BARHL1: variants seen among roughly 807,000 people sequenced by gnomAD.
BARHL1 encodes the protein barH-like 1 homeobox protein.
In BARHL1, 2 loss-of-function variants were observed where a neutral mutation model predicts 20.1. The ratio of observed to expected loss-of-function variants is 0.10; its 90% CI spans 0.04 to 0.31. BARHL1 has a LOEUF of 0.31. Ranked by LOEUF, BARHL1 falls within the 10% of genes least tolerant of loss-of-function variation. The pLI, the probability that BARHL1 is intolerant of heterozygous loss-of-function variation, is 1.00. For missense variants in BARHL1, 397 were observed against 454.0 expected, an observed-to-expected ratio of 0.87 and a Z score of 1.14; for synonymous variants, 213 against 209.9, an observed-to-expected ratio of 1.01 and a Z score of -0.13.
Position 132,587,316 on chromosome 9 carries a change from G to A in BARHL1, c.467-13G>A, listed in dbSNP as rs766916283. 15 of 1,588,262 alleles carry A rather than the reference G, an allele frequency of 9.4e-6. No homozygotes were observed. Among genetic ancestry groups the A allele is most frequent in the Middle Eastern group, 4.0e-4 (2 of 4,940 alleles). On this transcript the variant is annotated splice_polypyrimidine_tract_variant and intron_variant, in intron 1 of 2. Coordinates refer to ENST00000263610, the MANE Select transcript of BARHL1 (RefSeq NM_020064.4). The surrounding 1 kb of genome is among the most constrained non-coding windows in gnomAD (Gnocchi z 5.5). Reference sequence around the variant, plus strand: ...CTGCGAGGCCGGGCCCTGACATGCCGCTGTGTCCGCAGTGAAGGAGGAGGG... The same window carrying A: ...CTGCGAGGCCGGGCCCTGACATGCCACTGTGTCCGCAGTGAAGGAGGAGGG...
chr9:132,585,993 C>T (rs1830139936), intron 1 of BARHL1, among the ~76,000 whole-genome samples: 1 of 152,216 alleles, frequency 6.6e-6, no homozygotes. Context: ...AACACATATC[C>T]TTCTCCATGC....
chr9:132,585,801 T>A (rs1235173586), intron 1 of BARHL1, among the ~76,000 whole-genome samples: 5 of 152,210 alleles, frequency 3.3e-5, no homozygotes, highest in Non-Finnish European at 7.3e-5. Flanking sequence ...ACAAACTGAA[T>A]ACCTCCCGAC....
Position 132,587,048 on chromosome 9 carries a change from C to T in BARHL1, c.467-281C>T, listed in dbSNP as rs1457277116. ...GGGAGCGCGGGCAGAGCGCCGAGCGCGGCGCAGGGACTGGAGTTCTCGCCA... is the reference window on the plus strand; with the variant it reads ...GGGAGCGCGGGCAGAGCGCCGAGCGTGGCGCAGGGACTGGAGTTCTCGCCA... On this transcript the variant is annotated intron_variant, in intron 1 of 2. Coordinates refer to ENST00000263610, the MANE Select transcript of BARHL1 (RefSeq NM_020064.4). The surrounding 1 kb of genome is among the most constrained non-coding windows in gnomAD (Gnocchi z 5.5). 6.6e-6 allele frequency among the ~76,000 whole-genome samples: 1 copy of T among 152,234 alleles called. No individual in the cohort carries two copies. The highest frequency in any genetic ancestry group is 6.5e-5 in the Admixed American group (1 of 15,288).
chr9:132,583,321 T>A, intron 1 of BARHL1, 58 bp downstream of exon 1: 2 of 1,445,014 alleles, frequency 1.4e-6, no homozygotes, highest in Admixed American at 2.2e-5. Context: ...AACTGACATT[T>A]AAAAGGAATA....
At position 132,589,350 on chromosome 9, in the gene BARHL1, T is replaced by C. The variant is rs762296297; in HGVS notation, c.812T>C (p.Leu271Pro). Reference protein sequence around the residue: ...YFYPQSLVSNLDPGAALYLYR... With the variant: ...YFYPQSLVSNPDPGAALYLYR... ...TACCCGCAGAGTCTGGTTTCCAACC[T>C]GGACCCCGGCGCGGCGCTCTACCTG... The change falls in exon 3 of 3, where the codon CTG becomes CCG. Residue 271 changes from leucine to proline, a missense_variant. By Grantham distance (98) the Leu-to-Pro change is moderately conservative. Around this residue, in one of 3 missense-constraint regions of BARHL1, gnomAD observed 121 missense variants for 135.9 expected, o/e 0.89. Coordinates refer to ENST00000263610, the MANE Select transcript of BARHL1 (RefSeq NM_020064.4). 6.2e-7 allele frequency: 1 copy of C among 1,613,412 alleles called. No homozygotes were observed. The highest frequency in any genetic ancestry group is 1.1e-5 in the South Asian group (1 of 91,062).
At position 132,585,265 on chromosome 9, in the gene BARHL1, G is replaced by A. The variant is rs1037110822; in HGVS notation, c.466+2002G>A. Among the ~76,000 whole-genome samples the A allele has an allele frequency of 3.3e-5, 5 of 152,114 alleles. 1 individual carries two copies. The South Asian group carries it at 1.0e-3, about 32-fold the overall frequency. ...GAAAAAAGGAGCAGGGTCAGGCAGC[G>A]AGGCCTTGTCTGGAGCGTTTCTCAA... On this transcript the variant is annotated intron_variant, in intron 1 of 2. Coordinates refer to ENST00000263610, the MANE Select transcript of BARHL1 (RefSeq NM_020064.4).
intron 2 of BARHL1, 130 bp from the exon 3 acceptor site, chr9:132,589,094 GGTTA>G: frequency 7.0e-7 from 1 of 1,431,342 alleles, no homozygotes; most frequent in Non-Finnish European, 9.2e-7. Context: ...CCTGGCACTC[GGTTA>G]TTTATTAACA....
Position 132,589,841 on chromosome 9 carries a change from T to G in BARHL1, c.*319T>G. On this transcript the variant is annotated 3_prime_UTR_variant, in exon 3 of 3. Transcript: ENST00000263610. Reference sequence around the variant, plus strand: ...CTGCCGGCTCCCCTAGGCAACCCCTTTCTCCCCAGGAGCGGGTGCGGCTGA... The same window carrying G: ...CTGCCGGCTCCCCTAGGCAACCCCTGTCTCCCCAGGAGCGGGTGCGGCTGA... The G allele has an allele frequency of 8.4e-6, 2 of 238,076 alleles. No individual in the cohort carries two copies. The highest frequency in any genetic ancestry group is 1.6e-5 in the Non-Finnish European group (2 of 124,900). The allele number at this position is 238,076 out of a possible 1,614,324, so 14.7% of individuals were successfully genotyped here.
intron 1 of BARHL1, among the ~76,000 whole-genome samples, chr9:132,586,358 G>T (rs1400843316): frequency 6.6e-6 from 1 of 152,254 alleles, no homozygotes; most frequent in Non-Finnish European, 1.5e-5. Context: ...AAGTGGTCTA[G>T]CTGGTTATAT....
At chr9:132,585,232 C>A (rs1037598497) in intron 1 of BARHL1, among the ~76,000 whole-genome samples, 2 of 152,068 alleles carry the variant, frequency 1.3e-5, no homozygotes, top group Admixed American at 1.3e-4. Flanking sequence ...GCTGCCTTTG[C>A]CCCTAGTGAA....
rs1023907501 is a variant in BARHL1 at position 132,582,688 on chromosome 9, G to T, written c.-110G>T. The T allele has an allele frequency of 4.8e-6, 5 of 1,043,032 alleles. No individual in the cohort carries two copies. Among genetic ancestry groups the T allele is most frequent in the South Asian group, 1.7e-5 (1 of 60,270 alleles). 64.6% of individuals were successfully genotyped at this position (1,043,032 alleles called of 1,614,324 possible). A position where few individuals can be genotyped will look rare whatever the true frequency, so the allele number is the denominator to read the frequency against. On this transcript the variant is annotated 5_prime_UTR_variant, in exon 1 of 3. Coordinates refer to ENST00000263610, the MANE Select transcript of BARHL1 (RefSeq NM_020064.4). ...TGAACTCCGTCCAAGGTGCCCGCAG[G>T]CTCCCTGCCCGCCTTCCCCATGCCA...
Position 132,586,686 on chromosome 9 carries a change from C to A in BARHL1, c.467-643C>A, listed in dbSNP as rs1326425230. Among the ~76,000 whole-genome samples the A allele has an allele frequency of 2.0e-5, 3 of 152,384 alleles. No homozygotes were observed. In the East Asian group the frequency reaches 5.8e-4, roughly 29 times the overall value. On this transcript the variant is annotated intron_variant, in intron 1 of 2. Transcript: ENST00000263610. ...TTATTCTCCCAGTGCTCGGCGCTCG[C>A]AGACCCGGAGCCTTCCGCCCAGCGC...
rs1193024415 is a variant in BARHL1, at chr9:132,587,507, C to T, written c.645C>T (p.Leu215=). 2 of 1,612,592 alleles carry T rather than the reference C, an allele frequency of 1.2e-6. No homozygotes were observed. Among genetic ancestry groups the T allele is most frequent in the Non-Finnish European group, 8.5e-7 (1 of 1,179,586 alleles). Residue 215 remains leucine (L), a synonymous_variant, in exon 2 of 3, where the codon CTC becomes CTT. Coordinates refer to ENST00000263610, the MANE Select transcript of BARHL1 (RefSeq NM_020064.4). This position sits in a 1 kb window ranked among gnomAD's most constrained non-coding sequence, Gnocchi z 5.5. ...VQDRMELAAS[L]NLTDTQVKTW... The stretch of plus-strand genomic sequence containing the variant: ...ACCGCATGGAGCTCGCCGCCTCGCT[C>T]AACCTCACCGACACGCAGGTCAAGA...
At position 132,582,716 on chromosome 9, in the gene BARHL1, C is replaced by T; in HGVS notation, c.-82C>T. ...CCCTGCCCGCCTTCCCCATGCCAGC[C>T]CGCAGCTAGGGGCAGGGGCAGCGGC... On this transcript the variant is annotated 5_prime_UTR_variant, in exon 1 of 3. Coordinates refer to ENST00000263610, the MANE Select transcript of BARHL1 (RefSeq NM_020064.4). The T allele has an allele frequency of 7.7e-7, 1 of 1,305,400 alleles. No homozygotes were observed. The highest frequency in any genetic ancestry group is 1.0e-6 in the Non-Finnish European group (1 of 955,294). 80.9% of individuals were successfully genotyped at this position (1,305,400 alleles called of 1,614,324 possible). A position where few individuals can be genotyped will look rare whatever the true frequency, so the allele number is the denominator to read the frequency against.
Position 132,587,644 on chromosome 9 carries a change from A to G in BARHL1, c.689+93A>G. 8.0e-7 allele frequency: 1 copy of G among 1,257,442 alleles called. No individual in the cohort carries two copies. The highest frequency in any genetic ancestry group is 1.1e-6 in the Non-Finnish European group (1 of 903,282). 77.9% of individuals were successfully genotyped at this position (1,257,442 alleles called of 1,614,324 possible). A position where few individuals can be genotyped will look rare whatever the true frequency, so the allele number is the denominator to read the frequency against. ...ACCAGGAGTCTACAGGTTGGTGCTA[A>G]GGGAGGGCCCCAGAGCCTCCCCCAT... On this transcript the variant is annotated intron_variant, in intron 2 of 2. Transcript: ENST00000263610. The surrounding 1 kb of genome is among the most constrained non-coding windows in gnomAD (Gnocchi z 5.5).
At chr9:132,589,207 C>A in intron 2 of BARHL1, 21 bp from the exon 3 acceptor site, 1 of 1,598,264 alleles carries the variant, frequency 6.3e-7, no homozygotes, top group Non-Finnish European at 8.5e-7. Context: ...TCCCGCCATA[C>A]GCGTTTATTT....
At chr9:132,583,385 G>A in intron 1 of BARHL1, 122 bp downstream of exon 1, 1 of 833,822 alleles carries the variant, frequency 1.2e-6, no homozygotes, top group Non-Finnish European at 1.8e-6. Flanking sequence ...GGCTCAGGTT[G>A]AGCAGTGGTT....
At position 132,589,889 on chromosome 9, in the gene BARHL1, A is replaced by C; in HGVS notation, c.*367A>C. The C allele has an allele frequency of 8.7e-5, 15 of 172,124 alleles. No homozygotes were observed. Among genetic ancestry groups the C allele is most frequent in the Non-Finnish European group, 1.5e-4 (12 of 82,656 alleles). 10.7% of individuals were successfully genotyped at this position (172,124 alleles called of 1,614,324 possible). A position where few individuals can be genotyped will look rare whatever the true frequency, so the allele number is the denominator to read the frequency against. ...TGATTCCCAGGCTTCGCTCTCTCCC[A>C]CGCCCCTTCTACGCTCCAGGTGGAG... On this transcript the variant is annotated 3_prime_UTR_variant, in exon 3 of 3. Transcript: ENST00000263610.
chr9:132,589,503 G>A lies in BARHL1; in HGVS notation c.965G>A (p.Arg322His). Residue 322 changes from arginine (R) to histidine (H), a missense_variant, in exon 3 of 3, where the codon CGC (arginine) becomes CAC (histidine). By Grantham distance (29) the Arg-to-His change is conservative. Transcript: ENST00000263610. ...PLPPLAGVLP[R>H]AAQPR The stretch of plus-strand genomic sequence containing the variant: ...CCCCCCCTGGCCGGCGTCCTCCCAC[G>A]CGCCGCGCAGCCTCGGTGAGGCGCC... 1.4e-6 allele frequency: 2 copies of A among 1,390,894 alleles called. No homozygotes were observed. The highest frequency in any genetic ancestry group is 3.4e-5 in the South Asian group (2 of 58,242). 86.2% of individuals were successfully genotyped at this position (1,390,894 alleles called of 1,614,324 possible). A position where few individuals can be genotyped will look rare whatever the true frequency, so the allele number is the denominator to read the frequency against.
Sources: allele counts gnomAD v4.1 joint callset (sites outside exome capture counted in the v4.1 genomes callset), GRCh38; gene constraint gnomAD v4.1.1; regional missense constraint gnomAD v4.1.1; non-coding constraint Gnocchi (gnomAD v3.1); transcripts MANE v1.5; gene names NCBI Gene and HGNC (gene_info 2026-07-23, HGNC 2026-07-21).